Variants in PCDHGB5 observed in about 807,000 individuals in gnomAD.
PCDHGB5 encodes protocadherin gamma subfamily B, 5.
Under a neutral mutation model 62.9 loss-of-function variants are expected in PCDHGB5, and 48 were observed. The observed-to-expected ratio is 0.76, with a 90% confidence interval of 0.61 to 0.97. PCDHGB5 has a LOEUF of 0.97. PCDHGB5 is among the 50% of genes least tolerant of loss of function. PCDHGB5 has a pLI of 0.00. For synonymous variants in PCDHGB5, 474 were observed against 511.2 expected (o/e 0.93, Z 0.98); for missense variants, 1,118 against 1,198.6 (o/e 0.93, Z 0.99).
rs1369821635 is a variant in PCDHGB5, at chr5:141,512,208, G to T, written c.*1035G>T. ...TTCAGTCCAAGGAAGCTCGAAGCAG[G>T]TTTAGGACCAGGTCCCCTTGAGAGG... On this transcript the variant is annotated 3_prime_UTR_variant, in exon 4 of 4. Coordinates refer to ENST00000617380, the MANE Select transcript of PCDHGB5 (RefSeq NM_018925.3). 6.5e-6 allele frequency: 1 copy of T among 152,758 alleles called. No homozygotes were observed. The highest frequency in any genetic ancestry group is 2.4e-5 in the African/African-American group (1 of 41,454). The allele number at this position is 152,758 out of a possible 1,614,324, so 9.5% of individuals were successfully genotyped here.
chr5:141,509,199 GTC>G (rs1017134758), intron 3 of PCDHGB5, among the ~76,000 whole-genome samples: 1 of 152,070 alleles, frequency 6.6e-6, no homozygotes, highest in Non-Finnish European at 1.5e-5. Context: ...AATATTTCCT[GTC>G]TCTCTATTTC....
chr5:141,450,006 C>CT lies in PCDHGB5; in HGVS notation c.2398-44783dup, dbSNP rs1554136305. ...CACATTGCATTTAGTTGCCATGTCT[C>CT]TTTTTTTTTTTTTTTTTTGAGACAG... On this transcript the variant is annotated intron_variant, in intron 1 of 3. Coordinates refer to ENST00000617380, the MANE Select transcript of PCDHGB5 (RefSeq NM_018925.3). Among the ~76,000 whole-genome samples the CT allele has an allele frequency of 9.8e-3, 1,304 of 132,922 alleles. 21 individuals are homozygous for CT. Among genetic ancestry groups the CT allele is most frequent in the Non-Finnish European group, 0.015 (957 of 62,878 alleles). 87.2% of individuals were successfully genotyped at this position (132,922 alleles called of 152,430 possible).
At position 141,485,287 on chromosome 5, in the gene PCDHGB5, G is replaced by A. The variant is rs1396496143; in HGVS notation, c.2398-9520G>A. 5.0e-6 allele frequency: 8 copies of A among 1,614,064 alleles called. No individual in the cohort carries two copies. The highest frequency in any genetic ancestry group is 6.8e-6 in the Non-Finnish European group (8 of 1,180,002). On this transcript the variant is annotated intron_variant, in intron 1 of 3. Transcript: ENST00000617380. The surrounding 1 kb of genome is among the most constrained non-coding windows in gnomAD (Gnocchi z 5.7). ...AGATCCGCTACCCGGTCCCAGAGGA[G>A]TCACAGGAAGGGACTTTTGTAGGGA...
rs773688197 is a variant in PCDHGB5 at position 141,432,412 on chromosome 5, C to A, written c.2397+31888C>A. 2.5e-6 allele frequency: 4 copies of A among 1,614,128 alleles called. No homozygotes were observed. The Admixed American group carries it at 6.7e-5, about 27-fold the overall frequency. On this transcript the variant is annotated intron_variant, in intron 1 of 3. Transcript: ENST00000617380. The surrounding 1 kb of genome is among the most constrained non-coding windows in gnomAD (Gnocchi z 6.0). ...GCAGCAACGTGTCGTTGAGCCTGTT[C>A]GTGCTGGACCAGAACGACAATGCGC...
rs764337284 is a variant in PCDHGB5, at chr5:141,490,255, G to A, written c.2398-4552G>A. Reference sequence around the variant, plus strand: ...GGAGGGCCACTGTGTGATTCAAGTGGATGTGGGGGATGTCAATGACAATGC... The same window carrying A: ...GGAGGGCCACTGTGTGATTCAAGTGAATGTGGGGGATGTCAATGACAATGC... On this transcript the variant is annotated intron_variant, in intron 1 of 3. Transcript: ENST00000617380. The surrounding 1 kb of genome is among the most constrained non-coding windows in gnomAD (Gnocchi z 5.4). 6 of 1,614,118 alleles carry A rather than the reference G, an allele frequency of 3.7e-6. No individual in the cohort carries two copies. In the Admixed American group the frequency reaches 6.7e-5, roughly 18 times the overall value.
chr5:141,405,242 A>G, intron 1 of PCDHGB5: 1 of 1,614,156 alleles, frequency 6.2e-7, no homozygotes, highest in Non-Finnish European at 8.5e-7. Flanking sequence ...CGCTGACTCA[A>G]GGAAGAGTCA....
At chr5:141,428,320 T>G in intron 1 of PCDHGB5, 2 of 650,176 alleles carry the variant, frequency 3.1e-6, no homozygotes, top group Non-Finnish European at 5.5e-6. Context: ...GGCCTTGGCC[T>G]TGATTTCTAT....
At chr5:141,478,870 G>A (rs1463992722) in intron 1 of PCDHGB5, 6 of 1,273,242 alleles carry the variant, frequency 4.7e-6, no homozygotes, top group Non-Finnish European at 5.2e-6. Flanking sequence ...AGCGATCAGA[G>A]TTTAGCTTGG....
chr5:141,501,328 CACACA>C (rs1562200832), intron 2 of PCDHGB5, among the ~76,000 whole-genome samples: 17 of 151,710 alleles, frequency 1.1e-4, no homozygotes, highest in African/African-American at 1.9e-4. Context: ...CACACACACA[CACACA>C]CCCCAAACTC....
chr5:141,510,291 A>AG (rs903726285), intron 3 of PCDHGB5, among the ~76,000 whole-genome samples: 1 of 150,450 alleles, frequency 6.6e-6, no homozygotes, highest in African/African-American at 2.4e-5. Context: ...AAAAAAAAAA[A>AG]TGCTGTTTTG....
chr5:141,500,005 G>A (rs994274763), intron 2 of PCDHGB5, among the ~76,000 whole-genome samples: 30 of 151,476 alleles, frequency 2.0e-4, no homozygotes, highest in Non-Finnish European at 3.8e-4. Context: ...TCTTTCATAA[G>A]GTCCACATTT....
chr5:141,509,882 GTGAC>G (rs1186067105), intron 3 of PCDHGB5, among the ~76,000 whole-genome samples: 1 of 152,182 alleles, frequency 6.6e-6, no homozygotes, highest in Non-Finnish European at 1.5e-5. Context: ...GGTGGTGATG[GTGAC>G]TGACTGTCCC....
At chr5:141,483,967 G>C (rs2099589454) in intron 1 of PCDHGB5, among the ~76,000 whole-genome samples, 1 of 149,276 alleles carries the variant, frequency 6.7e-6, no homozygotes, top group African/African-American at 2.5e-5. Flanking sequence ...TTCTGTGCTT[G>C]TGCAAGGGAG....
chr5:141,430,383 GAAA>G (rs139772145), intron 1 of PCDHGB5, among the ~76,000 whole-genome samples: 9 of 138,566 alleles, frequency 6.5e-5, no homozygotes, highest in African/African-American at 2.4e-4. Context: ...AGCTCATTGG[GAAA>G]AAAAAAAAAA....
intron 1 of PCDHGB5, among the ~76,000 whole-genome samples, chr5:141,482,410 T>G (rs1054330181): frequency 2.3e-4 from 35 of 151,890 alleles, no homozygotes; most frequent in Non-Finnish European, 1.0e-4. Flanking sequence ...AATAACTATT[T>G]GTTGAACTAA....
Position 141,410,050 on chromosome 5 carries a change from C to T in PCDHGB5, c.2397+9526C>T, listed in dbSNP as rs762077790. ...TGCTGCAGGCCAGTGAGCCCGGACT[C>T]TTCAGCCTGGGGCTGCGCACTGGGG... On this transcript the variant is annotated intron_variant, in intron 1 of 3. Coordinates refer to ENST00000617380, the MANE Select transcript of PCDHGB5 (RefSeq NM_018925.3). The T allele has an allele frequency of 6.2e-6, 10 of 1,613,180 alleles. No homozygotes were observed. In the East Asian group the frequency reaches 1.6e-4, roughly 25 times the overall value.
chr5:141,422,338 A>C, intron 1 of PCDHGB5: 1 of 1,550,090 alleles, frequency 6.5e-7, no homozygotes, highest in Non-Finnish European at 8.7e-7. Flanking sequence ...TGCTCTTCTA[A>C]ATGTGCAAGA....
chr5:141,410,660 T>C (rs911543817), intron 1 of PCDHGB5: 12 of 1,572,396 alleles, frequency 7.6e-6, no homozygotes, highest in African/African-American at 2.7e-5. Context: ...TCTAATAGTC[T>C]ACTAGTTTCT....
Position 141,451,083 on chromosome 5 carries a change from C to T in PCDHGB5, c.2398-43724C>T, listed in dbSNP as rs192869194. On this transcript the variant is annotated intron_variant, in intron 1 of 3. Coordinates refer to ENST00000617380, the MANE Select transcript of PCDHGB5 (RefSeq NM_018925.3). The stretch of plus-strand genomic sequence containing the variant: ...GACCTTGTGATCCACCCACCTTGAC[C>T]TCCCAAAGTGTTGGGATTACAGGCG... 4.9e-4 allele frequency among the ~76,000 whole-genome samples: 75 copies of T among 152,174 alleles called. 3 individuals carry two copies. In the East Asian group the frequency reaches 0.014, roughly 29 times the overall value.
Sources: gnomAD v4.1 joint callset for allele counts (sites outside exome capture counted in the v4.1 genomes callset) on GRCh38, gnomAD v4.1.1 for gene constraint, Gnocchi (gnomAD v3.1) non-coding constraint, MANE v1.5 for transcripts, NCBI Gene and HGNC (gene_info 2026-07-23, HGNC 2026-07-21) for gene names.